Variants in SPATA33 observed in about 807,000 individuals in gnomAD.
The protein encoded by SPATA33 is spermatogenesis-associated protein 33.
A neutral mutation model predicts 8.9 loss-of-function variants in SPATA33; 10 were observed. The ratio of observed to expected loss-of-function variants is 1.12; its 90% CI spans 0.69 to 1.90. SPATA33 has a LOEUF of 1.90. Among genes scored for constraint, SPATA33 ranks in the 40% most tolerant of loss-of-function variants. SPATA33 has a pLI of 0.00. For synonymous variants in SPATA33, 96 were observed against 72.8 expected, an observed-to-expected ratio of 1.32 and a Z score of -1.63; for missense variants, 241 against 178.3, an observed-to-expected ratio of 1.35 and a Z score of -2.00.
At chr16:89,667,744 C>T (rs140355416) in intron 2 of SPATA33, among the ~76,000 whole-genome samples, 241 of 152,354 alleles carry the variant, frequency 1.6e-3, no homozygotes, top group African/African-American at 5.4e-3. Context: ...GGCTATGTAA[C>T]GCAGCACTGC....
chr16:89,663,887 G>C (rs1003043078), intron 2 of SPATA33, among the ~76,000 whole-genome samples: 2 of 152,198 alleles, frequency 1.3e-5, no homozygotes, highest in Admixed American at 6.5e-5. Flanking sequence ...GGGAAGCCTA[G>C]GCAGGCAGAT....
At chr16:89,662,465 G>C (rs1369041151) in intron 2 of SPATA33, among the ~76,000 whole-genome samples, 1 of 151,022 alleles carries the variant, frequency 6.6e-6, no homozygotes, top group African/African-American at 2.4e-5. Flanking sequence ...TGCCCAGGCT[G>C]GAGTGCAATG....
At chr16:89,666,645 C>A (rs963152717) in intron 2 of SPATA33, among the ~76,000 whole-genome samples, 1 of 152,114 alleles carries the variant, frequency 6.6e-6, no homozygotes, top group Non-Finnish European at 1.5e-5. Flanking sequence ...GCCCGGGGGA[C>A]CACTACCACC....
At chr16:89,660,648 A>T (rs550443668) in intron 2 of SPATA33, 1 of 939,382 alleles carries the variant, frequency 1.1e-6, no homozygotes, top group Non-Finnish European at 1.4e-6. Context: ...AAGACCACTC[A>T]TGTTGCAGTT....
intron 2 of SPATA33, among the ~76,000 whole-genome samples, chr16:89,664,472 T>C (rs1241544574): frequency 1.3e-5 from 2 of 152,136 alleles, no homozygotes; most frequent in African/African-American, 4.8e-5. Flanking sequence ...ACTCATCCAT[T>C]GAGTTTGACG....
chr16:89,670,004 G>GCCGCAGCCCGTTCT lies in SPATA33; in HGVS notation c.*509_*510insGCAGCCCGTTCTCC. On this transcript the variant is annotated 3_prime_UTR_variant, in exon 3 of 3. Coordinates refer to ENST00000579310, the MANE Select transcript of SPATA33 (RefSeq NM_001271907.2). ...TCCAGCCCGCCCCACCCTGTGAGAA[G>GCCGCAGCCCGTTCT]CCATGGCCCCTTCTCCAGTGCTTTT... 2 of 127,372 alleles carry GCCGCAGCCCGTTCT rather than the reference G, an allele frequency of 1.6e-5. No individual in the cohort carries two copies. The highest frequency in any genetic ancestry group is 2.3e-4 in the East Asian group (1 of 4,442). The allele number at this position is 127,372 out of a possible 1,614,324, so 7.9% of individuals were successfully genotyped here. A position where few individuals can be genotyped will look rare whatever the true frequency, so the allele number is the denominator to read the frequency against.
At chr16:89,662,590 A>G (rs567687907) in intron 2 of SPATA33, among the ~76,000 whole-genome samples, 1 of 150,988 alleles carries the variant, frequency 6.6e-6, no homozygotes, top group Non-Finnish European at 1.5e-5. Flanking sequence ...CGCCCAGCTA[A>G]TTTTTTTTGT....
intron 2 of SPATA33, among the ~76,000 whole-genome samples, chr16:89,666,534 G>C (rs557734597): frequency 1.3e-5 from 2 of 152,306 alleles, no homozygotes; most frequent in African/African-American, 4.8e-5. Flanking sequence ...GTGGTGGTGT[G>C]TAGGGTCCAG....
At chr16:89,668,969 G>A (rs995090299) in intron 2 of SPATA33, among the ~76,000 whole-genome samples, 5 of 152,164 alleles carry the variant, frequency 3.3e-5, no homozygotes, top group Non-Finnish European at 5.9e-5. Flanking sequence ...GCTCTGAGGC[G>A]GTTCCTGCCT....
chr16:89,668,477 G>GT (rs5818725), intron 2 of SPATA33, among the ~76,000 whole-genome samples: 127,683 of 152,110 alleles, frequency 0.84, 53,886 homozygotes, highest in Non-Finnish European at 0.89. Flanking sequence ...TTCTAACCCT[G>GT]ACCACACATA....
chr16:89,658,095 G>A, intron 1 of SPATA33, 147 bp downstream of exon 1: 1 of 1,486,798 alleles, frequency 6.7e-7, no homozygotes, highest in Non-Finnish European at 8.9e-7. Context: ...CGCCACGGAC[G>A]GCGCGTTTCC....
Position 89,669,764 on chromosome 16 carries a change from T to A in SPATA33, c.*267T>A. The stretch of plus-strand genomic sequence containing the variant: ...CAGGCCTGCCCCCGCCGTGAGAAAC[T>A]GCAGTCCCCTTCTCCAGTGCTCTCG... On this transcript the variant is annotated 3_prime_UTR_variant, in exon 3 of 3. Coordinates refer to ENST00000579310, the MANE Select transcript of SPATA33 (RefSeq NM_001271907.2). 2.4e-6 allele frequency: 1 copy of A among 418,264 alleles called. No individual in the cohort carries two copies. The highest frequency in any genetic ancestry group is 2.8e-5 in the African/African-American group (1 of 35,742). 25.9% of individuals were successfully genotyped at this position (418,264 alleles called of 1,614,324 possible).
intron 2 of SPATA33, chr16:89,660,265 C>T (rs954369283): frequency 2.7e-5 from 10 of 370,812 alleles, no homozygotes; most frequent in African/African-American, 1.9e-4. Context: ...GCAAGGAAAC[C>T]TTTCCCAGGA....
intron 2 of SPATA33, among the ~76,000 whole-genome samples, chr16:89,666,647 A>T (rs1597807346): frequency 6.6e-6 from 1 of 152,200 alleles, no homozygotes; most frequent in East Asian, 1.9e-4. Flanking sequence ...CCGGGGGACC[A>T]CTACCACCAA....
At chr16:89,662,279 G>A (rs551902066) in intron 2 of SPATA33, among the ~76,000 whole-genome samples, 34 of 143,764 alleles carry the variant, frequency 2.4e-4, no homozygotes, top group Non-Finnish European at 1.5e-4. Context: ...GGGCAATGGA[G>A]TGAGACTCCA....
At chr16:89,660,607 G>A (rs1171834868) in intron 2 of SPATA33, 1 of 1,169,478 alleles carries the variant, frequency 8.6e-7, no homozygotes, top group Non-Finnish European at 1.1e-6. Context: ...GAGTCCCAAA[G>A]GTGGGACACT....
intron 2 of SPATA33, among the ~76,000 whole-genome samples, chr16:89,665,406 G>A (rs773308545): frequency 6.6e-5 from 10 of 151,832 alleles, no homozygotes; most frequent in Non-Finnish European, 1.3e-4. Flanking sequence ...CCGGGTTCAT[G>A]CCATTCTCCT....
chr16:89,663,717 G>A (rs971601336), intron 2 of SPATA33, among the ~76,000 whole-genome samples: 6 of 152,110 alleles, frequency 3.9e-5, no homozygotes, highest in Non-Finnish European at 2.9e-5. Flanking sequence ...GAGGAAGATG[G>A]GATTGTTGGT....
intron 2 of SPATA33, chr16:89,661,639 A>C (rs748242651): frequency 6.6e-6 from 1 of 152,172 alleles, no homozygotes; most frequent in Non-Finnish European, 1.5e-5. Context: ...ACATACAAAC[A>C]TTATAGAGAA....
Sources: gnomAD v4.1 joint callset for allele counts (sites outside exome capture counted in the v4.1 genomes callset) on GRCh38, gnomAD v4.1.1 for gene constraint, MANE v1.5 for transcripts, NCBI Gene and HGNC (gene_info 2026-07-23, HGNC 2026-07-21) for gene names.